NRXN1: variants seen among roughly 807,000 people sequenced by gnomAD.
NRXN1 encodes neurexin-1.
A neutral mutation model predicts 150.9 loss-of-function variants in NRXN1; 39 were observed. The observed-to-expected ratio is 0.26, with a 90% CI of 0.20 to 0.34. The LOEUF (loss-of-function observed/expected upper bound fraction) is 0.34. Ranked by LOEUF, NRXN1 falls within the 10% of genes least tolerant of loss-of-function variation. The probability of loss-of-function intolerance (pLI) is 1.00; values close to 1 mark genes in which losing one functional copy is unlikely to be tolerated. For missense variants in NRXN1, 1,815 were observed against 1,949.9 expected (o/e 0.93, Z 1.30); for synonymous variants, 924 against 757.0 (o/e 1.22, Z -3.62).
chr2:50,760,393 C>T (rs1174108990), intron 5 of NRXN1, among the ~76,000 whole-genome samples: 1 of 151,824 alleles, frequency 6.6e-6, no homozygotes, highest in Non-Finnish European at 1.5e-5. Context: ...TCTCTAGGTT[C>T]CCTTAGCCTT....
At chr2:50,383,348 G>T (rs1044274012) in intron 17 of NRXN1, among the ~76,000 whole-genome samples, 1 of 151,966 alleles carries the variant, frequency 6.6e-6, no homozygotes, top group East Asian at 1.9e-4. Flanking sequence ...GGAGAAAAAG[G>T]GCAGAAGGAA....
At chr2:50,007,181 G>C (rs893728529) in intron 21 of NRXN1, among the ~76,000 whole-genome samples, 1 of 142,554 alleles carries the variant, frequency 7.0e-6, no homozygotes, top group Admixed American at 7.4e-5. Flanking sequence ...TGTCTCTACA[G>C]AAAATAAAAT....
At chr2:50,790,617 G>A (rs1477737201) in intron 5 of NRXN1, among the ~76,000 whole-genome samples, 2 of 152,116 alleles carry the variant, frequency 1.3e-5, no homozygotes, top group Non-Finnish European at 2.9e-5. Flanking sequence ...ACACCTGCTT[G>A]TCCTTTGGAA....
intron 18 of NRXN1, among the ~76,000 whole-genome samples, chr2:50,107,464 T>G (rs1432011516): frequency 6.7e-6 from 1 of 149,568 alleles, no homozygotes; most frequent in Non-Finnish European, 1.5e-5. Context: ...CACTTCTTAC[T>G]TTTTTTAGGT....
chr2:50,897,809 T>C (rs908784327), intron 5 of NRXN1, among the ~76,000 whole-genome samples: 1 of 152,210 alleles, frequency 6.6e-6, no homozygotes, highest in Non-Finnish European at 1.5e-5. Context: ...TTTGGAAATG[T>C]TCTGTATCTT....
At chr2:50,478,504 A>T (rs2090179326) in intron 15 of NRXN1, among the ~76,000 whole-genome samples, 1 of 152,178 alleles carries the variant, frequency 6.6e-6, no homozygotes, top group Non-Finnish European at 1.5e-5. Flanking sequence ...TTTTTAAAAG[A>T]TTAATTTTAG....
chr2:50,891,295 T>C (rs1681025215), intron 5 of NRXN1, among the ~76,000 whole-genome samples: 1 of 152,032 alleles, frequency 6.6e-6, no homozygotes. Flanking sequence ...AAGTGGCAAG[T>C]TGAAATCAAT....
rs946683089 is a variant in NRXN1, at chr2:50,762,048, C to T, written c.833-138433G>A. Among the ~76,000 whole-genome samples, 24 of 151,640 alleles carry T rather than the reference C, an allele frequency of 1.6e-4. No individual in the cohort carries two copies. The East Asian group carries it at 3.7e-3, about 24-fold the overall frequency. ...TCCTTGCTCCTCATCTTGCAGAAGGCCTATTGAGGGAGTTCATCTTGTGAT... is the reference window on the plus strand; with the variant it reads ...TCCTTGCTCCTCATCTTGCAGAAGGTCTATTGAGGGAGTTCATCTTGTGAT... On this transcript the variant is annotated intron_variant, in intron 5 of 22. Transcript: ENST00000401669.
intron 2 of NRXN1, among the ~76,000 whole-genome samples, chr2:50,929,150 G>A (rs1687358695): frequency 6.6e-6 from 1 of 151,894 alleles, no homozygotes; most frequent in East Asian, 1.9e-4. Flanking sequence ...TCGGCCCCCA[G>A]CTTATAAGAA....
At chr2:50,822,028 CTTTGAATCACG>C (rs1408593301) in intron 5 of NRXN1, among the ~76,000 whole-genome samples, 2 of 152,086 alleles carry the variant, frequency 1.3e-5, no homozygotes, top group Non-Finnish European at 2.9e-5. Context: ...CACTAATTGA[CTTTGAATCACG>C]TTTGAGTAAA....
chr2:50,091,219 G>T, intron 19 of NRXN1, 104 bp downstream of exon 19: 1 of 1,315,408 alleles, frequency 7.6e-7, no homozygotes, highest in Non-Finnish European at 1.1e-6. Flanking sequence ...ATAGTTGATG[G>T]TTTCTCAGAA....
At chr2:50,536,749 T>C (rs181596135) in intron 10 of NRXN1, among the ~76,000 whole-genome samples, 1 of 152,326 alleles carries the variant, frequency 6.6e-6, no homozygotes, top group African/African-American at 2.4e-5. Flanking sequence ...TTGTTCATCC[T>C]TTTGGCAATT....
At chr2:50,483,379 T>C (rs1290786006) in intron 15 of NRXN1, among the ~76,000 whole-genome samples, 1 of 152,214 alleles carries the variant, frequency 6.6e-6, no homozygotes, top group Non-Finnish European at 1.5e-5. Flanking sequence ...TCCATGACGC[T>C]GTTCTGCCTA....
chr2:50,214,483 G>C (rs1356272564), intron 18 of NRXN1, among the ~76,000 whole-genome samples: 2 of 151,824 alleles, frequency 1.3e-5, no homozygotes, highest in Non-Finnish European at 2.9e-5. Flanking sequence ...TTTTTGTCCA[G>C]GTAGAGACTG....
intron 8 of NRXN1, among the ~76,000 whole-genome samples, chr2:50,556,399 A>C (rs1573533525): frequency 6.6e-6 from 1 of 152,046 alleles, no homozygotes; most frequent in East Asian, 1.9e-4. Flanking sequence ...TACATGTTTC[A>C]CTTTTGAACA....
At chr2:50,559,682 T>C (rs907024521) in intron 8 of NRXN1, among the ~76,000 whole-genome samples, 3 of 152,178 alleles carry the variant, frequency 2.0e-5, no homozygotes, top group Admixed American at 6.5e-5. Context: ...TTTAATGTCA[T>C]TGATATCCAT....
intron 5 of NRXN1, among the ~76,000 whole-genome samples, chr2:50,704,446 G>A (rs1229286968): frequency 1.3e-5 from 2 of 151,726 alleles, no homozygotes; most frequent in African/African-American, 4.8e-5. Flanking sequence ...TATGCTGCAG[G>A]ATATTTGCAA....
At chr2:50,146,682 C>A (rs549758952) in intron 18 of NRXN1, among the ~76,000 whole-genome samples, 1 of 151,650 alleles carries the variant, frequency 6.6e-6, no homozygotes, top group East Asian at 1.9e-4. Context: ...GGCTAAAAAA[C>A]CAGTTTACGT....
At chr2:50,429,502 C>T (rs943743826) in intron 17 of NRXN1, among the ~76,000 whole-genome samples, 6 of 152,084 alleles carry the variant, frequency 3.9e-5, no homozygotes, top group African/African-American at 1.4e-4. Flanking sequence ...AGTGATCCAC[C>T]CACCTTTGCC....
Sources: gnomAD v4.1 joint callset for allele counts (sites outside exome capture counted in the v4.1 genomes callset) on GRCh38, gnomAD v4.1.1 for gene constraint, MANE v1.5 for transcripts, NCBI Gene and HGNC (gene_info 2026-07-23, HGNC 2026-07-21) for gene names.